The following PDYN variants were observed in gnomAD, a reference collection of about 807,000 sequenced individuals.
PDYN encodes the protein prodynorphin.
In PDYN, 5 loss-of-function variants were observed where a neutral mutation model predicts 11.4. The ratio of observed to expected loss-of-function variants is 0.44; its 90% CI spans 0.23 to 0.92. The LOEUF (loss-of-function observed/expected upper bound fraction) is 0.92, where lower values mean the gene tolerates loss of function less well. Ranked by LOEUF, PDYN falls within the 40% of genes least tolerant of loss-of-function variation. The pLI is 0.24. For missense variants in PDYN, 337 were observed against 317.3 expected (o/e 1.06, Z -0.47); for synonymous variants, 132 against 129.5 (o/e 1.02, Z -0.13).
intron 3 of PDYN, among the ~76,000 whole-genome samples, chr20:1,981,968 A>T (rs1305402621): frequency 6.7e-6 from 1 of 149,654 alleles, no homozygotes; most frequent in Non-Finnish European, 1.5e-5. Context: ...ATAAATAATA[A>T]CTTCTGGCAT....
rs757847428 is a variant in PDYN, at chr20:1,981,000, A to T, written c.130-42T>A. 11 of 1,609,938 alleles carry T rather than the reference A, an allele frequency of 6.8e-6. No homozygotes were observed. The East Asian group carries it at 2.5e-4, about 36-fold the overall frequency. ...AAGACCACAGTGGCAAATGATCAAAACACATGCACTGGTCTGCCCCAGGCT... is the reference window on the plus strand; with the variant it reads ...AAGACCACAGTGGCAAATGATCAAATCACATGCACTGGTCTGCCCCAGGCT... On this transcript the variant is annotated intron_variant, in intron 3 of 3. Transcript: ENST00000217305.
chr20:1,983,175 AG>A, intron 2 of PDYN, 72 bp from the exon 3 acceptor site: 2 of 1,322,798 alleles, frequency 1.5e-6, no homozygotes, highest in Non-Finnish European at 2.1e-6. Flanking sequence ...GAGCCCACAA[AG>A]TCATCTCTAA....
intron 2 of PDYN, among the ~76,000 whole-genome samples, chr20:1,989,596 G>A (rs986240338): frequency 4.6e-5 from 7 of 152,158 alleles, no homozygotes; most frequent in African/African-American, 9.7e-5. Context: ...CAGAGGAGCC[G>A]CAAGCGTTTT....
At chr20:1,988,468 G>C (rs1041335156) in intron 2 of PDYN, among the ~76,000 whole-genome samples, 2 of 152,190 alleles carry the variant, frequency 1.3e-5, no homozygotes, top group Non-Finnish European at 2.9e-5. Context: ...AATGGAGCTG[G>C]GAAGTCACAC....
In PDYN at chr20:1,979,528, G is replaced by A. The variant is rs1160978969; in HGVS notation, c.*795C>T. 6.6e-6 allele frequency: 1 copy of A among 152,326 alleles called. No homozygotes were observed. Among genetic ancestry groups the A allele is most frequent in the African/African-American group, 2.4e-5 (1 of 41,430 alleles). The allele number at this position is 152,326 out of a possible 1,614,324, so 9.4% of individuals were successfully genotyped here. On this transcript the variant is annotated 3_prime_UTR_variant, in exon 4 of 4. Coordinates refer to ENST00000217305, the MANE Select transcript of PDYN (RefSeq NM_024411.5). Reference sequence around the variant, plus strand: ...CCTTGATCATTTAAGCATTCAAGAGGCTGCTCTCAATCATTTCCGAAAGAG... The same window carrying A: ...CCTTGATCATTTAAGCATTCAAGAGACTGCTCTCAATCATTTCCGAAAGAG...
chr20:1,988,267 A>G (rs1852867716), intron 2 of PDYN, among the ~76,000 whole-genome samples: 1 of 152,208 alleles, frequency 6.6e-6, no homozygotes, highest in African/African-American at 2.4e-5. Flanking sequence ...ACCTGGAGTT[A>G]TGAATGGGGG....
intron 3 of PDYN, among the ~76,000 whole-genome samples, chr20:1,981,588 C>T (rs1987796612): frequency 6.6e-6 from 1 of 152,224 alleles, no homozygotes; most frequent in East Asian, 1.9e-4. Context: ...CGGGCAGGAC[C>T]TGGCCCATTG....
rs371856641 is a variant in PDYN at position 1,980,874 on chromosome 20, A to G, written c.214T>C (p.Ser72Pro). ...CQSFLSFFTP[S>P]TLGLNDKEDL... ...TCCTTGTCATTGAGCCCAAGGGTGG[A>G]GGGGGTGAAAAAAGACAGAAAGCTC... Residue 72 changes from serine (S) to proline (P), a missense_variant, in exon 4 of 4, where the codon TCC becomes CCC. Physicochemically the swap from Ser to Pro is moderately conservative, Grantham distance 74 (BLOSUM62 -1). Coordinates refer to ENST00000217305, the MANE Select transcript of PDYN (RefSeq NM_024411.5). 5 of 1,614,034 alleles carry G rather than the reference A, an allele frequency of 3.1e-6. No homozygotes were observed. The African/African-American group carries it at 5.3e-5, about 17-fold the overall frequency.
intron 2 of PDYN, among the ~76,000 whole-genome samples, chr20:1,988,678 G>A (rs183149293): frequency 6.2e-4 from 95 of 152,314 alleles, no homozygotes; most frequent in African/African-American, 2.1e-3. Flanking sequence ...GGCCACACAA[G>A]GAAAAGTCCT....
intron 2 of PDYN, among the ~76,000 whole-genome samples, chr20:1,989,534 T>C (rs986203176): frequency 6.6e-6 from 1 of 152,224 alleles, no homozygotes; most frequent in African/African-American, 2.4e-5. Flanking sequence ...AATGATCTTT[T>C]TGACGTCTTG....
At chr20:1,991,724 C>T (rs1988457495) in intron 2 of PDYN, among the ~76,000 whole-genome samples, 1 of 152,198 alleles carries the variant, frequency 6.6e-6, no homozygotes, top group Non-Finnish European at 1.5e-5. Context: ...GAACCAGTAA[C>T]TATTGATCTC....
intron 2 of PDYN, among the ~76,000 whole-genome samples, chr20:1,991,024 G>A: frequency 6.6e-6 from 1 of 151,572 alleles, no homozygotes. Context: ...TGAGGAGGAG[G>A]GGAAGAAGAG....
At position 1,982,962 on chromosome 20, in the gene PDYN, A is replaced by G. The variant is rs2122337072; in HGVS notation, c.123T>C (p.Asn41=). ...AACCTTGCCTGAAACCTACCAGGGG[A>G]TTGATAGGTTTGGGACCATCCTGGG... The part of the protein sequence containing the change: ...VKTQDGPKPI[N]PLICSLQCQA... Residue 41 remains asparagine (N), a synonymous_variant, in exon 3 of 4, where the codon AAT becomes AAC. Coordinates refer to ENST00000217305, the MANE Select transcript of PDYN (RefSeq NM_024411.5). 1 of 1,613,670 alleles carries G rather than the reference A, an allele frequency of 6.2e-7. No homozygotes were observed. Among genetic ancestry groups the G allele is most frequent in the Non-Finnish European group, 8.5e-7 (1 of 1,179,718 alleles).
In PDYN at chr20:1,980,827, A is replaced by C. The variant is rs1362426271; in HGVS notation, c.261T>G (p.Val87=). 6.2e-7 allele frequency: 1 copy of C among 1,614,072 alleles called. No homozygotes were observed. Among genetic ancestry groups the C allele is most frequent in the East Asian group, 2.2e-5 (1 of 44,888 alleles). The part of the protein sequence containing the change: ...NDKEDLGSKS[V]GEGPYSELAK... Reference sequence around the variant, plus strand: ...CCAGCTCACTGTAGGGCCCTTCCCCAACCGACTTGCTCCCCAAGTCCTCCT... The same window carrying C: ...CCAGCTCACTGTAGGGCCCTTCCCCCACCGACTTGCTCCCCAAGTCCTCCT... The change falls in exon 4 of 4, where the codon GTT becomes GTG. Residue 87 remains valine (V), a synonymous_variant. Transcript: ENST00000217305.
intron 3 of PDYN, among the ~76,000 whole-genome samples, chr20:1,982,343 G>T (rs2122330657): frequency 6.6e-6 from 1 of 152,338 alleles, no homozygotes; most frequent in African/African-American, 2.4e-5. Context: ...GAGGCTTAGA[G>T]AGGGAGTTCC....
At position 1,990,465 on chromosome 20, in the gene PDYN, G is replaced by T. The variant is rs540229898; in HGVS notation, c.-20+2119C>A. On this transcript the variant is annotated intron_variant, in intron 2 of 3. Coordinates refer to ENST00000217305, the MANE Select transcript of PDYN (RefSeq NM_024411.5). ...GGAAAAGCGGTGCCCCTTGTTAGGT[G>T]TTAGCATCGTAACGAAAGACGAATG... 2.6e-5 allele frequency among the ~76,000 whole-genome samples: 4 copies of T among 152,298 alleles called. No individual in the cohort carries two copies. In the South Asian group the frequency reaches 8.3e-4, roughly 32 times the overall value.
At chr20:1,990,380 A>C (rs959861461) in intron 2 of PDYN, among the ~76,000 whole-genome samples, 1 of 152,216 alleles carries the variant, frequency 6.6e-6, no homozygotes, top group Non-Finnish European at 1.5e-5. Context: ...CCCACACTCG[A>C]AAGTGTAAAG....
rs73571349 is a variant in PDYN, at chr20:1,979,767, G to A, written c.*556C>T. On this transcript the variant is annotated 3_prime_UTR_variant, in exon 4 of 4. Coordinates refer to ENST00000217305, the MANE Select transcript of PDYN (RefSeq NM_024411.5). ...GTTTAAGCTTTTTACCTAAAGCATC[G>A]TCTCCAAAGTCAGGTGCACAGGAGA... 3,070 of 165,476 alleles carry A rather than the reference G, an allele frequency of 0.019. 87 individuals are homozygous for A. Among genetic ancestry groups the A allele is most frequent in the African/African-American group, 0.068 (2,841 of 41,650 alleles). The allele number at this position is 165,476 out of a possible 1,614,324, so 10.3% of individuals were successfully genotyped here.
intron 2 of PDYN, among the ~76,000 whole-genome samples, chr20:1,988,536 G>T (rs1364615836): frequency 6.6e-6 from 1 of 152,192 alleles, no homozygotes; most frequent in Non-Finnish European, 1.5e-5. Flanking sequence ...AAGGAGGAAA[G>T]GAACTTTGCC....
Sources: gnomAD v4.1 joint callset for allele counts (sites outside exome capture counted in the v4.1 genomes callset) on GRCh38, gnomAD v4.1.1 for gene constraint, MANE v1.5 for transcripts, NCBI Gene and HGNC (gene_info 2026-07-23, HGNC 2026-07-21) for gene names.